Variants in NAT1 observed in about 807,000 individuals in gnomAD.
NAT1 encodes the protein N-acetyltransferase 1, also known as arylamine N-acetyltransferase 1.
For synonymous variants in NAT1, 144 were observed against 122.6 expected (o/e 1.17, Z -1.16); for missense variants, 400 against 339.2 (o/e 1.18, Z -1.41).
intron 2 of NAT1, among the ~76,000 whole-genome samples, chr8:18,202,823 T>C (rs1350477954): frequency 6.6e-6 from 1 of 152,076 alleles, no homozygotes; most frequent in African/African-American, 2.4e-5. Context: ...TTCCACAGCG[T>C]GGAAGGGGAC....
At chr8:18,212,477 G>A (rs1804202652) in intron 1 of NAT1, 1 of 152,250 alleles carries the variant, frequency 6.6e-6, no homozygotes. Flanking sequence ...GTGACTGAAG[G>A]AAGTGCTGGG....
chr8:18,184,886 T>C (rs1208730627), intron 2 of NAT1, among the ~76,000 whole-genome samples: 1 of 152,238 alleles, frequency 6.6e-6, no homozygotes, highest in African/African-American at 2.4e-5. Flanking sequence ...TGCATGCTTG[T>C]GCAAAATTCT....
intron 1 of NAT1, among the ~76,000 whole-genome samples, chr8:18,218,772 C>T (rs1468317927): frequency 6.6e-6 from 1 of 152,082 alleles, no homozygotes; most frequent in African/African-American, 2.4e-5. Context: ...GACCCACTTA[C>T]TAGCTTGACT....
At chr8:18,184,112 C>A (rs1309330699) in intron 2 of NAT1, among the ~76,000 whole-genome samples, 4 of 152,198 alleles carry the variant, frequency 2.6e-5, no homozygotes, top group Non-Finnish European at 5.9e-5. Flanking sequence ...GTGGTGGCCC[C>A]ACCCCTGTGA....
chr8:18,222,043 G>A lies in NAT1; in HGVS notation c.-5G>A. On this transcript the variant is annotated splice_region_variant and 5_prime_UTR_variant, in exon 3 of 3. Coordinates refer to ENST00000307719, the MANE Select transcript of NAT1 (RefSeq NM_000662.8). The stretch of plus-strand genomic sequence containing the variant: ...TTTCGTTTTGTTTTCCTTGCTTAGG[G>A]GATCATGGACATTGAAGCATATCTT... The A allele has an allele frequency of 1.2e-6, 2 of 1,603,918 alleles. No individual in the cohort carries two copies. Among genetic ancestry groups the A allele is most frequent in the Non-Finnish European group, 1.7e-6 (2 of 1,173,790 alleles).
chr8:18,183,247 G>A (rs573656380), intron 2 of NAT1, among the ~76,000 whole-genome samples: 1 of 152,266 alleles, frequency 6.6e-6, no homozygotes, highest in East Asian at 1.9e-4. Context: ...CCATCATGAT[G>A]TAAACACCTC....
In NAT1 at chr8:18,222,434, C is replaced by T. The variant is rs377479677; in HGVS notation, c.387C>T (p.Tyr129=). The change falls in exon 3 of 3, where the codon TAC becomes TAT. Residue 129 remains tyrosine (Y), a synonymous_variant. Transcript: ENST00000307719. ...YIVDAGFGRS[Y]QMWQPLELIS... ...TCGATGCTGGGTTTGGACGCTCATA[C>T]CAGATGTGGCAGCCTCTGGAGTTAA... The T allele has an allele frequency of 1.9e-6, 3 of 1,614,116 alleles. No homozygotes were observed. The highest frequency in any genetic ancestry group is 2.5e-6 in the Non-Finnish European group (3 of 1,180,006).
chr8:18,221,876 T>G (rs900269180), intron 2 of NAT1, 166 bp from the exon 3 acceptor site: 4 of 658,436 alleles, frequency 6.1e-6, no homozygotes, highest in Non-Finnish European at 9.7e-6. Flanking sequence ...GACTATTAAC[T>G]GAACTTATGT....
intron 2 of NAT1, among the ~76,000 whole-genome samples, chr8:18,182,255 C>T (rs1802551307): frequency 6.6e-6 from 1 of 152,144 alleles, no homozygotes; most frequent in Admixed American, 6.6e-5. Flanking sequence ...GACAGAAGGC[C>T]TGTTCAGCTA....
At chr8:18,183,207 G>A (rs1039239584) in intron 2 of NAT1, among the ~76,000 whole-genome samples, 1 of 152,142 alleles carries the variant, frequency 6.6e-6, no homozygotes, top group Non-Finnish European at 1.5e-5. Flanking sequence ...CCCTTTTTAC[G>A]ATTGCATTAA....
At chr8:18,201,316 T>A (rs1803454609) in intron 2 of NAT1, 1 of 152,174 alleles carries the variant, frequency 6.6e-6, no homozygotes, top group Non-Finnish European at 1.5e-5. Flanking sequence ...CATGGGCTAA[T>A]CCTAGGGCTA....
chr8:18,199,317 C>CAAAAAAA (rs373393013), intron 2 of NAT1, among the ~76,000 whole-genome samples: 1 of 87,482 alleles, frequency 1.1e-5, no homozygotes, highest in African/African-American at 3.8e-5. Context: ...GACTCTGTCT[C>CAAAAAAA]AAAAAAAAAA....
intron 1 of NAT1, among the ~76,000 whole-genome samples, chr8:18,214,053 T>C (rs937148287): frequency 6.6e-6 from 1 of 152,134 alleles, no homozygotes; most frequent in Non-Finnish European, 1.5e-5. Flanking sequence ...GACCTCGTGA[T>C]CCGCCCGCCT....
At chr8:18,177,885 C>T (rs1372419187) in intron 2 of NAT1, among the ~76,000 whole-genome samples, 1 of 152,050 alleles carries the variant, frequency 6.6e-6, no homozygotes, top group African/African-American at 2.4e-5. Flanking sequence ...TTAATGTAGC[C>T]TTAAGGACCC....
chr8:18,202,925 C>A (rs1027096007), intron 2 of NAT1, among the ~76,000 whole-genome samples: 2 of 152,058 alleles, frequency 1.3e-5, no homozygotes, highest in African/African-American at 4.8e-5. Context: ...ATTTTAGAGG[C>A]GCTGATTGGT....
intron 2 of NAT1, among the ~76,000 whole-genome samples, chr8:18,204,869 T>C (rs947532604): frequency 2.6e-5 from 4 of 152,220 alleles, no homozygotes; most frequent in Non-Finnish European, 4.4e-5. Flanking sequence ...TTTATCCTAT[T>C]TGATGACCAT....
intron 2 of NAT1, among the ~76,000 whole-genome samples, chr8:18,172,004 C>G (rs1223088474): frequency 6.6e-6 from 1 of 152,158 alleles, no homozygotes. Flanking sequence ...AGACTAACAT[C>G]TTATGAAATT....
intron 2 of NAT1, among the ~76,000 whole-genome samples, chr8:18,203,432 T>A (rs1405072206): frequency 1.3e-5 from 2 of 152,340 alleles, no homozygotes; most frequent in Middle Eastern, 3.4e-3. Flanking sequence ...GTAAGATAAG[T>A]TTAGGCTATC....
intron 2 of NAT1, among the ~76,000 whole-genome samples, chr8:18,175,759 T>A (rs1333281182): frequency 6.6e-6 from 1 of 152,078 alleles, no homozygotes; most frequent in African/African-American, 2.4e-5. Context: ...ATATGGTAAT[T>A]ATATTTTTAG....
Sources: gnomAD v4.1 joint callset for allele counts (sites outside exome capture counted in the v4.1 genomes callset) on GRCh38, gnomAD v4.1.1 for gene constraint, MANE v1.5 for transcripts, NCBI Gene and HGNC (gene_info 2026-07-23, HGNC 2026-07-21) for gene names.